YWHAG: variants seen among roughly 807,000 people sequenced by gnomAD.
YWHAG encodes the protein tyrosine 3-monooxygenase/tryptophan 5-monooxygenase activation protein gamma.
A neutral mutation model predicts 23.3 loss-of-function variants in YWHAG; 1 was observed. The observed-to-expected ratio is 0.04, with a 90% CI of 0.02 to 0.20. The LOEUF (loss-of-function observed/expected upper bound fraction) is 0.20. Among genes scored for constraint, YWHAG ranks in the 10% least tolerant of loss-of-function variants. YWHAG has a pLI of 1.00. For synonymous variants in YWHAG, 160 were observed against 144.0 expected (o/e 1.11, Z -0.80); for missense variants, 151 against 338.6 (o/e 0.45, Z 4.35).
chr7:76,329,590 T>C lies in YWHAG; in HGVS notation c.731A>G (p.Glu244Gly). Residue 244 changes from glutamate to glycine, a missense_variant, in exon 2 of 2, where the codon GAA (glutamate) becomes GGA (glycine). Transcript: ENST00000307630. The surrounding 1 kb of genome is among the most constrained non-coding windows in gnomAD (Gnocchi z 6.1). ...TCCCCTGGGGCCTTAATTGTTGCCT[T>C]CGCCGCCATCGTCGTCCTGCTGGTC... Reference protein sequence around the residue: ...TSDQQDDDGGEGNN With the variant: ...TSDQQDDDGGGGNN 1 of 1,607,312 alleles carries C rather than the reference T, an allele frequency of 6.2e-7. No homozygotes were observed. Among genetic ancestry groups the C allele is most frequent in the Non-Finnish European group, 8.5e-7 (1 of 1,174,928 alleles).
Position 76,358,986 on chromosome 7 carries a change from G to T in YWHAG, c.-178C>A, listed in dbSNP as rs1038951856. On this transcript the variant is annotated 5_prime_UTR_variant, in exon 1 of 2. Transcript: ENST00000307630. Reference sequence around the variant, plus strand: ...GCGACCGCGGGACCGGGCGCGAGGCGGCTGCGGCTGCTGTGCGTGCCACTG... The same window carrying T: ...GCGACCGCGGGACCGGGCGCGAGGCTGCTGCGGCTGCTGTGCGTGCCACTG... 1.8e-5 allele frequency: 9 copies of T among 495,458 alleles called. No individual in the cohort carries two copies. The highest frequency in any genetic ancestry group is 7.1e-5 in the East Asian group (2 of 28,226). 30.7% of individuals were successfully genotyped at this position (495,458 alleles called of 1,614,324 possible). A position where few individuals can be genotyped will look rare whatever the true frequency, so the allele number is the denominator to read the frequency against.
Position 76,328,337 on chromosome 7 carries a change from T to C in YWHAG, c.*1240A>G, listed in dbSNP as rs912579030. 2.0e-5 allele frequency: 3 copies of C among 152,216 alleles called. No individual in the cohort carries two copies. The highest frequency in any genetic ancestry group is 4.4e-5 in the Non-Finnish European group (3 of 68,032). The allele number at this position is 152,216 out of a possible 1,614,324, so 9.4% of individuals were successfully genotyped here. ...GGTCAAATAGGAGTTCAGTGTTTGT[T>C]ATCTGGTAACAGTTTTTTTATCTTC... On this transcript the variant is annotated 3_prime_UTR_variant, in exon 2 of 2. Coordinates refer to ENST00000307630, the MANE Select transcript of YWHAG (RefSeq NM_012479.4).
Position 76,329,561 on chromosome 7 carries a change from C to T in YWHAG, c.*16G>A. 1 of 1,588,802 alleles carries T rather than the reference C, an allele frequency of 6.3e-7. No homozygotes were observed. The highest frequency in any genetic ancestry group is 8.6e-7 in the Non-Finnish European group (1 of 1,164,784). ...CAGTAGTAGCATCCGCGTGCGCTGC[C>T]AGTTCCCCTGGGGCCTTAATTGTTG... On this transcript the variant is annotated 3_prime_UTR_variant, in exon 2 of 2. Transcript: ENST00000307630. This position sits in a 1 kb window ranked among gnomAD's most constrained non-coding sequence, Gnocchi z 6.1.
chr7:76,327,668 G>GCCCCC lies in YWHAG; in HGVS notation c.*1904_*1908dup, dbSNP rs71085403. ...AATTAGGGAAAGCCCCACCTACCCT[G>GCCCCC]CCCCCCCCCCCCTCCCCCCCCAAAT... On this transcript the variant is annotated 3_prime_UTR_variant, in exon 2 of 2. Coordinates refer to ENST00000307630, the MANE Select transcript of YWHAG (RefSeq NM_012479.4). The GCCCCC allele has an allele frequency of 3.6e-4, 17 of 47,112 alleles. No homozygotes were observed. Among genetic ancestry groups the GCCCCC allele is most frequent in the African/African-American group, 5.1e-4 (4 of 7,896 alleles). The allele number at this position is 47,112 out of a possible 1,614,324, so 2.9% of individuals were successfully genotyped here.
intron 1 of YWHAG, among the ~76,000 whole-genome samples, chr7:76,349,279 C>T (rs1015559051): frequency 6.7e-5 from 10 of 148,842 alleles, no homozygotes; most frequent in African/African-American, 2.2e-4. Context: ...GCAGAGCTTG[C>T]AGTGAGCTGA....
At chr7:76,343,338 C>T (rs1457186049) in intron 1 of YWHAG, among the ~76,000 whole-genome samples, 2 of 152,170 alleles carry the variant, frequency 1.3e-5, no homozygotes, top group African/African-American at 2.4e-5. Flanking sequence ...GCAGAAGAAC[C>T]CTGCTGTGAG....
At chr7:76,356,756 G>A (rs1166530941) in intron 1 of YWHAG, among the ~76,000 whole-genome samples, 1 of 152,170 alleles carries the variant, frequency 6.6e-6, no homozygotes, top group Non-Finnish European at 1.5e-5. Context: ...TTGTGAGAAA[G>A]CTAGCAATAG....
At chr7:76,332,533 C>CTT (rs1249759059) in intron 1 of YWHAG, among the ~76,000 whole-genome samples, 1 of 151,868 alleles carries the variant, frequency 6.6e-6, no homozygotes, top group Non-Finnish European at 1.5e-5. Context: ...TTTTTTTGTT[C>CTT]TTTTTGAGAC....
intron 1 of YWHAG, among the ~76,000 whole-genome samples, chr7:76,341,526 C>A (rs1347939840): frequency 6.7e-6 from 1 of 149,548 alleles, no homozygotes. Context: ...CTGAACAAAA[C>A]GTAGTGTGAT....
intron 1 of YWHAG, among the ~76,000 whole-genome samples, chr7:76,350,401 C>G (rs996604455): frequency 5.3e-5 from 8 of 152,214 alleles, no homozygotes; most frequent in African/African-American, 1.9e-4. Flanking sequence ...TCCAGCAATT[C>G]CCCTCTTGGG....
At chr7:76,333,084 C>T (rs990870894) in intron 1 of YWHAG, among the ~76,000 whole-genome samples, 2 of 152,172 alleles carry the variant, frequency 1.3e-5, no homozygotes, top group African/African-American at 4.8e-5. Flanking sequence ...GCAATCCTAC[C>T]TTAGCCTCCT....
intron 1 of YWHAG, among the ~76,000 whole-genome samples, chr7:76,334,374 A>C (rs1166738342): frequency 6.6e-6 from 1 of 152,178 alleles, no homozygotes; most frequent in African/African-American, 2.4e-5. Context: ...AAGATACGGG[A>C]TCTTGTATCA....
chr7:76,337,451 G>A (rs1364502637), intron 1 of YWHAG, among the ~76,000 whole-genome samples: 9 of 152,124 alleles, frequency 5.9e-5, no homozygotes, highest in Middle Eastern at 3.4e-3. Flanking sequence ...TGCGTATCCC[G>A]TGTGATTTCC....
intron 1 of YWHAG, among the ~76,000 whole-genome samples, chr7:76,336,548 G>A (rs532744621): frequency 1.3e-5 from 2 of 148,960 alleles, no homozygotes; most frequent in Admixed American, 6.8e-5. Flanking sequence ...CTCTACTTCC[G>A]GGTTCAAGTG....
intron 1 of YWHAG, among the ~76,000 whole-genome samples, chr7:76,346,292 C>T (rs996463848): frequency 1.3e-5 from 2 of 152,194 alleles, no homozygotes; most frequent in Admixed American, 6.5e-5. Flanking sequence ...CACTCCCTAG[C>T]GCTTTACACT....
At chr7:76,332,713 C>CA (rs1016440449) in intron 1 of YWHAG, among the ~76,000 whole-genome samples, 1 of 143,936 alleles carries the variant, frequency 6.9e-6, no homozygotes, top group South Asian at 2.2e-4. Context: ...TTTTTGGAGA[C>CA]AGAGTTTCAA....
At chr7:76,335,348 G>A (rs896936728) in intron 1 of YWHAG, among the ~76,000 whole-genome samples, 24 of 152,276 alleles carry the variant, frequency 1.6e-4, no homozygotes, top group Middle Eastern at 3.4e-3. Context: ...GAGCCACCGC[G>A]CCCGGCCTCA....
At chr7:76,331,944 A>G (rs1422756710) in intron 1 of YWHAG, among the ~76,000 whole-genome samples, 1 of 152,224 alleles carries the variant, frequency 6.6e-6, no homozygotes, top group Non-Finnish European at 1.5e-5. Flanking sequence ...AATTAAATCA[A>G]AACATAAACC....
intron 1 of YWHAG, among the ~76,000 whole-genome samples, chr7:76,347,105 C>A (rs369758612): frequency 2.0e-4 from 31 of 152,128 alleles, no homozygotes; most frequent in African/African-American, 7.0e-4. Context: ...TCCCTGACGA[C>A]CAGTGTCAAC....
Sources: gnomAD v4.1 joint callset for allele counts (sites outside exome capture counted in the v4.1 genomes callset) on GRCh38, gnomAD v4.1.1 for gene constraint, Gnocchi (gnomAD v3.1) non-coding constraint, MANE v1.5 for transcripts, NCBI Gene and HGNC (gene_info 2026-07-23, HGNC 2026-07-21) for gene names.